TP63: variants seen among roughly 807,000 people sequenced by gnomAD.
TP63 encodes tumor protein p63.
A neutral mutation model predicts 82.8 loss-of-function variants in TP63; 17 were observed. That is an observed-to-expected ratio of 0.21 (90% CI 0.14 to 0.31). The LOEUF (loss-of-function observed/expected upper bound fraction) is 0.31. Ranked by LOEUF, TP63 falls within the 10% of genes least tolerant of loss-of-function variation. TP63 has a pLI of 1.00. For synonymous variants in TP63, 330 were observed against 321.7 expected, an observed-to-expected ratio of 1.03 and a Z score of -0.28; for missense variants, 648 against 895.3, an observed-to-expected ratio of 0.72 and a Z score of 3.52.
chr3:189,864,083 G>T, intron 4 of TP63, 149 bp from the exon 5 acceptor site: 1 of 978,292 alleles, frequency 1.0e-6, no homozygotes, highest in Non-Finnish European at 1.6e-6. Context: ...TAATAACATT[G>T]ACATACGTCA....
rs1375593819 is a variant in TP63, at chr3:189,682,551, AAAATATATATATATAT to A, written c.62+50976_62+50991del. Among the ~76,000 whole-genome samples the A allele has an allele frequency of 5.6e-3, 174 of 30,852 alleles. 7 individuals are homozygous for A. The highest frequency in any genetic ancestry group is 0.012 in the African/African-American group (61 of 5,136). The allele number at this position is 30,852 out of a possible 152,430, so 20.2% of individuals were successfully genotyped here. ...GTCCTAAGGGGAAAAAAAAAAAAAA[AAAATATATATATATAT>A]ATATATATATATATATATATATATA... On this transcript the variant is annotated intron_variant, in intron 1 of 13. Transcript: ENST00000264731.
At chr3:189,618,984 C>A in the TP63 span, among the ~76,000 whole-genome samples, 1 of 152,102 alleles carries the variant, frequency 6.6e-6, no homozygotes, top group Non-Finnish European at 1.5e-5. Context: ...TTAAAGCCCA[C>A]GTCATAAGAA....
At chr3:189,822,533 C>A (rs1176577471) in intron 4 of TP63, among the ~76,000 whole-genome samples, 1 of 152,060 alleles carries the variant, frequency 6.6e-6, no homozygotes, top group Non-Finnish European at 1.5e-5. Context: ...ATTAAAAAGT[C>A]TTTAAAATTG....
chr3:189,830,164 TTCAGATTTGAGATCTGA>T (rs1712096420), intron 4 of TP63, among the ~76,000 whole-genome samples: 2 of 152,140 alleles, frequency 1.3e-5, no homozygotes, highest in Non-Finnish European at 2.9e-5. Flanking sequence ...ATATCTGGAG[TTCAGATTTGAGATCTGA>T]CTAGGAGAAT....
intron 10 of TP63, 83 bp from the exon 11 acceptor site, chr3:189,886,311 T>C: frequency 2.0e-6 from 3 of 1,486,782 alleles, no homozygotes; most frequent in Non-Finnish European, 2.8e-6. Context: ...AGGCCATGTT[T>C]TAAACAGAGA....
At chr3:189,628,854 T>C (rs1303479826), upstream of TP63, among the ~76,000 whole-genome samples, 1 of 152,162 alleles carries the variant, frequency 6.6e-6, no homozygotes, top group African/African-American at 2.4e-5. Flanking sequence ...TGGTGTTCTG[T>C]TGAATTCTAG....
intron 10 of TP63, among the ~76,000 whole-genome samples, chr3:189,876,160 T>A (rs1280144703): frequency 3.3e-5 from 5 of 152,206 alleles, no homozygotes; most frequent in African/African-American, 1.2e-4. Context: ...ACAGTTTCCA[T>A]GGATCATATG....
At chr3:189,890,643 G>T (rs773134529) in intron 12 of TP63, 146 bp from the exon 13 acceptor site, 34 of 693,034 alleles carry the variant, frequency 4.9e-5, no homozygotes, top group Non-Finnish European at 7.7e-5. Flanking sequence ...TCAGACTTAA[G>T]GCCCACATAT....
rs143668641 is a variant in TP63 at position 189,767,089 on chromosome 3, A to G, written c.324+28315A>G. On this transcript the variant is annotated intron_variant, in intron 3 of 13. Transcript: ENST00000264731. ...CTTGCCATATAACAAATCTTTCCCC[A>G]TAACTTTTTGTTTGTTTGCTTTCAT... 3.9e-4 allele frequency among the ~76,000 whole-genome samples: 60 copies of G among 152,342 alleles called. No individual in the cohort carries two copies. In the Middle Eastern group the frequency reaches 0.01, roughly 26 times the overall value.
intron 3 of TP63, among the ~76,000 whole-genome samples, chr3:189,781,214 A>G (rs1366753519): frequency 6.6e-6 from 1 of 152,206 alleles, no homozygotes; most frequent in Non-Finnish European, 1.5e-5. Flanking sequence ...CCACATTTAC[A>G]TATACCATTT....
At chr3:189,670,148 T>G (rs888782349) in intron 1 of TP63, among the ~76,000 whole-genome samples, 1 of 152,082 alleles carries the variant, frequency 6.6e-6, no homozygotes, top group African/African-American at 2.4e-5. Context: ...AATGTGTATG[T>G]GCTTAATAAT....
intron 1 of TP63, among the ~76,000 whole-genome samples, chr3:189,706,279 C>T (rs764031756): frequency 1.3e-5 from 2 of 151,912 alleles, no homozygotes; most frequent in East Asian, 1.9e-4. Context: ...TTTTTTGAGA[C>T]GGAGTCTTCC....
chr3:189,868,561 C>T lies in TP63; in HGVS notation c.993-19C>T, dbSNP rs1259103232. On this transcript the variant is annotated intron_variant, in intron 7 of 13. Transcript: ENST00000264731. ...TGCTTTGAATTTAACTCTTTCTTCC[C>T]CTTTATTCTAATTCCTAGTGGGCAA... 7.4e-6 allele frequency: 12 copies of T among 1,613,554 alleles called. No homozygotes were observed. The highest frequency in any genetic ancestry group is 1.0e-5 in the Non-Finnish European group (12 of 1,179,880).
chr3:189,778,700 G>T (rs1375928381), intron 3 of TP63, among the ~76,000 whole-genome samples: 2 of 152,190 alleles, frequency 1.3e-5, no homozygotes, highest in Non-Finnish European at 2.9e-5. Context: ...TTAAAGAGAT[G>T]CTTAGACTGA....
At chr3:189,604,218 G>C in the TP63 span, among the ~76,000 whole-genome samples, 1 of 152,116 alleles carries the variant, frequency 6.6e-6, no homozygotes, top group African/African-American at 2.4e-5. Flanking sequence ...ACTTCTCTTG[G>C]TTTTAACGTC....
At chr3:189,864,067 T>A (rs917603060) in intron 4 of TP63, among the ~76,000 whole-genome samples, 165 bp from the exon 5 acceptor site, 2 of 152,210 alleles carry the variant, frequency 1.3e-5, no homozygotes, top group East Asian at 3.8e-4. Flanking sequence ...TTAATATAAC[T>A]TCCTCTAATA....
At chr3:189,656,131 A>G (rs192709902) in intron 1 of TP63, among the ~76,000 whole-genome samples, 54 of 152,272 alleles carry the variant, frequency 3.5e-4, no homozygotes, top group African/African-American at 1.2e-3. Context: ...CTGAAAGAAA[A>G]CTGTTTAAAA....
At chr3:189,653,257 A>G (rs1713051457) in intron 1 of TP63, among the ~76,000 whole-genome samples, 1 of 152,348 alleles carries the variant, frequency 6.6e-6, no homozygotes, top group South Asian at 2.1e-4. Context: ...GGGAGAACCT[A>G]GAGTCAGGAT....
chr3:189,892,809 G>A (rs149556575), intron 13 of TP63, among the ~76,000 whole-genome samples: 213 of 152,240 alleles, frequency 1.4e-3, no homozygotes, highest in Middle Eastern at 6.8e-3. Context: ...AATAAAAAAA[G>A]CTATGCTTAT....
Sources: gnomAD v4.1 joint callset for allele counts (sites outside exome capture counted in the v4.1 genomes callset) on GRCh38, gnomAD v4.1.1 for gene constraint, MANE v1.5 for transcripts, NCBI Gene and HGNC (gene_info 2026-07-23, HGNC 2026-07-21) for gene names.